CNKSR2: variants seen among roughly 807,000 people sequenced by gnomAD.
CNKSR2 encodes CNK homolog protein 2.
A neutral mutation model predicts 84.4 loss-of-function variants in CNKSR2; 14 were observed. That is an observed-to-expected ratio of 0.17 (90% CI 0.11 to 0.26). The LOEUF is 0.26. Among genes scored for constraint, CNKSR2 ranks in the 10% least tolerant of loss-of-function variants. The probability of loss-of-function intolerance (pLI) is 1.00; values close to 1 mark genes in which losing one functional copy is unlikely to be tolerated. For synonymous variants in CNKSR2, 275 were observed against 277.9 expected, an observed-to-expected ratio of 0.99 and a Z score of 0.10; for missense variants, 485 against 771.2, an observed-to-expected ratio of 0.63 and a Z score of 4.40.
chrX:21,436,727 G>T (rs1016107648), intron 3 of CNKSR2, among the ~76,000 whole-genome samples: 3 of 111,162 alleles, frequency 2.7e-5, no homozygotes, highest in African/African-American at 6.5e-5. Flanking sequence ...GTGTGTGTGT[G>T]TATGTGCATG....
At chrX:21,500,100 C>T (rs1298854426) in intron 7 of CNKSR2, among the ~76,000 whole-genome samples, 1 of 110,442 alleles carries the variant, frequency 9.1e-6, no homozygotes, top group Admixed American at 9.7e-5. Context: ...CCTAAAGGTG[C>T]TGTGAGATTA....
At chrX:21,434,783 G>A (rs1394366280) in intron 3 of CNKSR2, among the ~76,000 whole-genome samples, 1 of 108,966 alleles carries the variant, frequency 9.2e-6, no homozygotes, top group Admixed American at 1.0e-4. Flanking sequence ...TGAAAGAGGA[G>A]AAAGAAAAAG....
At chrX:21,606,511 A>G in intron 18 of CNKSR2, 1 of 251,009 alleles carries the variant, frequency 4.0e-6, no homozygotes, top group Non-Finnish European at 7.0e-6. Context: ...GAGCTCATGC[A>G]GTACGTTCTT....
At chrX:21,478,637 AGGT>A (rs2091284043) in intron 5 of CNKSR2, among the ~76,000 whole-genome samples, 3 of 111,607 alleles carry the variant, frequency 2.7e-5, no homozygotes, top group Non-Finnish European at 3.8e-5. Context: ...GAGTCAAGTG[AGGT>A]AGAATAATAC....
chrX:21,654,391 A>G lies in CNKSR2; in HGVS notation c.*1870A>G, dbSNP rs1194832120. The G allele has an allele frequency of 9.3e-6, 1 of 107,105 alleles. No individual in the cohort carries two copies. Among genetic ancestry groups the G allele is most frequent in the Non-Finnish European group, 1.9e-5 (1 of 52,154 alleles). The allele number at this position is 107,105 out of a possible 1,213,427, so 8.8% of individuals were successfully genotyped here. Reference sequence around the variant, plus strand: ...CAAATGTGTATGTTCACTTAAAAATATATGTACCTGATGGATGTGTCATGT... The same window carrying G: ...CAAATGTGTATGTTCACTTAAAAATGTATGTACCTGATGGATGTGTCATGT... On this transcript the variant is annotated 3_prime_UTR_variant, in exon 22 of 22. Coordinates refer to ENST00000379510, the MANE Select transcript of CNKSR2 (RefSeq NM_014927.5).
chrX:21,393,229 G>GT (rs1323939980), intron 1 of CNKSR2, among the ~76,000 whole-genome samples: 2 of 112,262 alleles, frequency 1.8e-5, no homozygotes, highest in African/African-American at 6.5e-5. Flanking sequence ...TTTATGCTCT[G>GT]TGAGTACCAG....
chrX:21,470,054 G>A (rs956832817), intron 4 of CNKSR2, among the ~76,000 whole-genome samples: 37 of 112,059 alleles, frequency 3.3e-4, no homozygotes, highest in Non-Finnish European at 1.5e-4. Flanking sequence ...CAGTATGCCC[G>A]TTTTATAAAT....
chrX:21,506,818 G>C (rs1253175719), intron 8 of CNKSR2: 4 of 110,627 alleles, frequency 3.6e-5, no homozygotes, highest in African/African-American at 9.8e-5. Context: ...GTGTCAACGT[G>C]GTTACTATGA....
chrX:21,426,779 C>G, intron 2 of CNKSR2, 119 bp downstream of exon 2: 1 of 769,061 alleles, frequency 1.3e-6, no homozygotes, highest in South Asian at 2.8e-5. Context: ...AACTCTGATT[C>G]TCAACCAGCT....
intron 17 of CNKSR2, among the ~76,000 whole-genome samples, chrX:21,596,929 T>C (rs1396909335): frequency 8.9e-6 from 1 of 111,823 alleles, no homozygotes; most frequent in Non-Finnish European, 1.9e-5. Flanking sequence ...CTCCATTTTA[T>C]GTTTTAATTA....
chrX:21,645,047 GCTTT>G (rs1284158392), intron 20 of CNKSR2: 3 of 111,504 alleles, frequency 2.7e-5, no homozygotes, highest in Non-Finnish European at 3.8e-5. Flanking sequence ...TTTTCTTTGG[GCTTT>G]CAGTTATCAC....
At chrX:21,549,744 G>T (rs1477275095) in intron 11 of CNKSR2, among the ~76,000 whole-genome samples, 1 of 111,272 alleles carries the variant, frequency 9.0e-6, no homozygotes, top group South Asian at 3.8e-4. Context: ...AGAATAGAGG[G>T]AGGCCTCAGA....
intron 1 of CNKSR2, among the ~76,000 whole-genome samples, chrX:21,404,484 T>TA (rs905310279): frequency 9.0e-6 from 1 of 110,541 alleles, no homozygotes; most frequent in African/African-American, 3.3e-5. Context: ...TTATGTAATT[T>TA]AAAAAAATGT....
chrX:21,611,744 G>T (rs1288764038), intron 20 of CNKSR2, among the ~76,000 whole-genome samples: 4 of 111,442 alleles, frequency 3.6e-5, no homozygotes, highest in Non-Finnish European at 7.5e-5. Context: ...TTTTTCAGTG[G>T]GCTCTCTGTA....
At chrX:21,473,903 C>G (rs1400351075) in intron 5 of CNKSR2, among the ~76,000 whole-genome samples, 1 of 106,925 alleles carries the variant, frequency 9.4e-6, no homozygotes, top group Non-Finnish European at 1.9e-5. Context: ...CCCACCACCA[C>G]GCCCGGCTAA....
chrX:21,573,531 G>A (rs1409803366), intron 13 of CNKSR2, among the ~76,000 whole-genome samples: 1 of 112,348 alleles, frequency 8.9e-6, no homozygotes. Flanking sequence ...TATGGGCAGA[G>A]GTTCCCAAGC....
In CNKSR2 at chrX:21,500,831, A is replaced by G. The variant is rs188905147; in HGVS notation, c.742-689A>G. ...TTCATTGAATGTGGTTTTACTGTCC[A>G]GTGTATTACACTATATGTAACATGA... On this transcript the variant is annotated intron_variant, in intron 7 of 21. Coordinates refer to ENST00000379510, the MANE Select transcript of CNKSR2 (RefSeq NM_014927.5). Among the ~76,000 whole-genome samples the G allele has an allele frequency of 1.2e-3, 138 of 111,571 alleles. 1 individual carries two copies. The highest frequency in any genetic ancestry group is 8.2e-4 in the Non-Finnish European group (43 of 52,646).
intron 20 of CNKSR2, chrX:21,644,371 A>G (rs2092700707): frequency 8.9e-6 from 1 of 112,323 alleles, no homozygotes; most frequent in South Asian, 3.6e-4. Flanking sequence ...TCATTCTTCA[A>G]GAGCCCAATT....
In CNKSR2 at chrX:21,567,507, G is replaced by A. The variant is rs1394525408; in HGVS notation, c.1608+4055G>A. Among the ~76,000 whole-genome samples the A allele has an allele frequency of 1.8e-5, 2 of 111,008 alleles. 1 individual carries two copies. The highest frequency in any genetic ancestry group is 6.6e-5 in the African/African-American group (2 of 30,472). ...CCATCTCCTAGGTCAACCCCACAGG[G>A]GCGAACAATGCAAGAGGATTAGCTG... On this transcript the variant is annotated intron_variant, in intron 13 of 21. Coordinates refer to ENST00000379510, the MANE Select transcript of CNKSR2 (RefSeq NM_014927.5).
Sources: allele counts gnomAD v4.1 joint callset (sites outside exome capture counted in the v4.1 genomes callset), GRCh38; gene constraint gnomAD v4.1.1; transcripts MANE v1.5; gene names NCBI Gene and HGNC (gene_info 2026-07-23, HGNC 2026-07-21).